The following CLSTN1 variants were observed in gnomAD, a reference collection of about 807,000 sequenced individuals.
CLSTN1 encodes calsyntenin 1.
In CLSTN1, 28 loss-of-function variants were observed where a neutral mutation model predicts 108.3. That is an observed-to-expected ratio of 0.26 (90% CI 0.19 to 0.35). CLSTN1 has a LOEUF of 0.35. Among genes scored for constraint, CLSTN1 ranks in the 10% least tolerant of loss-of-function variants. CLSTN1 has a pLI of 1.00. For missense variants in CLSTN1, 1,157 were observed against 1,302.6 expected (o/e 0.89, Z 1.72); for synonymous variants, 524 against 534.9 (o/e 0.98, Z 0.28).
At chr1:9,761,361 C>T (rs1163002345) in intron 2 of CLSTN1, among the ~76,000 whole-genome samples, 2 of 151,958 alleles carry the variant, frequency 1.3e-5, no homozygotes, top group East Asian at 1.9e-4. Flanking sequence ...GGAGTGGTGG[C>T]GTGTGCCTGA....
chr1:9,807,893 C>G (rs563393229), intron 1 of CLSTN1, among the ~76,000 whole-genome samples: 1 of 152,240 alleles, frequency 6.6e-6, no homozygotes, highest in Non-Finnish European at 1.5e-5. Flanking sequence ...AGGAACTAGG[C>G]TTCTGCCTCC....
chr1:9,783,790 C>T (rs1204937869), intron 1 of CLSTN1, among the ~76,000 whole-genome samples: 3 of 152,092 alleles, frequency 2.0e-5, no homozygotes, highest in African/African-American at 7.2e-5. Context: ...GTCAGGAGTT[C>T]GAGACCAGCC....
chr1:9,762,106 G>A lies in CLSTN1; in HGVS notation c.215-5596C>T, dbSNP rs114676510. 5.4e-3 allele frequency among the ~76,000 whole-genome samples: 825 copies of A among 152,234 alleles called. 11 individuals are homozygous for A. Among genetic ancestry groups the A allele is most frequent in the African/African-American group, 0.019 (798 of 41,552 alleles). On this transcript the variant is annotated intron_variant, in intron 2 of 18. Transcript: ENST00000377298. ...CCTGTTCACTTGGCTAGGGGAAGCT[G>A]GGTAACAGGTTGTAGATCCACTGAT... is the stretch of plus-strand genomic sequence containing the variant.
rs769739258 is a variant in CLSTN1 at position 9,743,987 on chromosome 1, T to C, written c.1253A>G (p.Tyr418Cys). 8 of 1,613,564 alleles carry C rather than the reference T, an allele frequency of 5.0e-6. No individual in the cohort carries two copies. In the Admixed American group the frequency reaches 1.2e-4, roughly 24 times the overall value. ...SDKTDMNRHH[Y>C]SLYVHGCRLI... ...CCGGCACCCGTGGACATAGAGGGAG[T>C]AGTGGTGCCGATTCATATCTGCAAA... is the stretch of plus-strand genomic sequence containing the variant. The change falls in exon 9 of 19, where the codon TAC (tyrosine) becomes TGC (cysteine). Residue 418 changes from tyrosine (Y) to cysteine (C), a missense_variant. Transcript: ENST00000377298.
rs1340908576 is a variant in CLSTN1, at chr1:9,735,469, G to C, written c.1881C>G (p.Ile627Met). Residue 627 changes from isoleucine (I) to methionine (M), a missense_variant and splice_region_variant, in exon 13 of 19, where the codon ATC (isoleucine) becomes ATG (methionine). Transcript: ENST00000377298. ...GIRRLKITST[I>M]KCFNEATCIS... is the part of the protein sequence containing the mutation. ...GGCTGTTAAAAATCAGGACGTACTTGATTGTGCTGGTGATTTTGAGTCTGC... is the reference window on the plus strand; with the variant it reads ...GGCTGTTAAAAATCAGGACGTACTTCATTGTGCTGGTGATTTTGAGTCTGC... 10 of 1,614,118 alleles carry C rather than the reference G, an allele frequency of 6.2e-6. No homozygotes were observed. Among genetic ancestry groups the C allele is most frequent in the African/African-American group, 1.3e-5 (1 of 74,952 alleles).
At chr1:9,814,919 T>C (rs961670948) in intron 1 of CLSTN1, among the ~76,000 whole-genome samples, 2 of 151,316 alleles carry the variant, frequency 1.3e-5, no homozygotes, top group Non-Finnish European at 2.9e-5. Flanking sequence ...AAAAGAAAAA[T>C]GTCACTTTTC....
chr1:9,769,882 T>C (rs1652581172), intron 2 of CLSTN1, among the ~76,000 whole-genome samples: 2 of 151,894 alleles, frequency 1.3e-5, no homozygotes, highest in South Asian at 4.2e-4. Context: ...TACAAAAAAT[T>C]AGCCGGGCGC....
At chr1:9,753,433 G>A (rs1481451181) in intron 4 of CLSTN1, among the ~76,000 whole-genome samples, 1 of 152,022 alleles carries the variant, frequency 6.6e-6, no homozygotes, top group Non-Finnish European at 1.5e-5. Flanking sequence ...CTGGCAGGAG[G>A]TGCAGCAACA....
chr1:9,766,636 G>A (rs905245402), intron 2 of CLSTN1, among the ~76,000 whole-genome samples: 3 of 152,116 alleles, frequency 2.0e-5, no homozygotes, highest in African/African-American at 7.2e-5. Context: ...CTCCAGCCTG[G>A]GTGACAGAGC....
chr1:9,794,083 T>G (rs964768242), intron 1 of CLSTN1, among the ~76,000 whole-genome samples: 2 of 151,400 alleles, frequency 1.3e-5, no homozygotes, highest in Admixed American at 1.3e-4. Context: ...GGTAATGACT[T>G]AAGGCACTCA....
intron 1 of CLSTN1, among the ~76,000 whole-genome samples, chr1:9,821,490 A>G (rs978336051): frequency 5.3e-5 from 8 of 152,246 alleles, no homozygotes; most frequent in African/African-American, 1.9e-4. Flanking sequence ...GAGGGTCTCT[A>G]CAAAACTAAG....
intron 4 of CLSTN1, among the ~76,000 whole-genome samples, chr1:9,752,847 G>A (rs1008342646): frequency 6.6e-6 from 1 of 152,102 alleles, no homozygotes; most frequent in Non-Finnish European, 1.5e-5. Flanking sequence ...GGGTGACAGA[G>A]CGAGACTCTG....
chr1:9,801,333 A>G (rs1230177692), intron 1 of CLSTN1, among the ~76,000 whole-genome samples: 1 of 152,228 alleles, frequency 6.6e-6, no homozygotes, highest in East Asian at 1.9e-4. Context: ...CCTGGAAGAT[A>G]CAATCTGCCA....
intron 1 of CLSTN1, among the ~76,000 whole-genome samples, chr1:9,805,658 G>A (rs946432422): frequency 1.3e-5 from 2 of 152,098 alleles, no homozygotes; most frequent in African/African-American, 2.4e-5. Context: ...CCTGAGGTCA[G>A]GAGTTCAAGA....
chr1:9,751,928 T>C (rs535883100), intron 4 of CLSTN1, among the ~76,000 whole-genome samples: 1 of 151,680 alleles, frequency 6.6e-6, no homozygotes, highest in South Asian at 2.1e-4. Flanking sequence ...ATCCTAAGAA[T>C]AAAGCAAAAA....
At chr1:9,812,764 C>T (rs1248528709) in intron 1 of CLSTN1, among the ~76,000 whole-genome samples, 2 of 150,740 alleles carry the variant, frequency 1.3e-5, no homozygotes, top group Non-Finnish European at 2.9e-5. Flanking sequence ...AGGAGAATCA[C>T]TTGAACCCAG....
intron 2 of CLSTN1, among the ~76,000 whole-genome samples, chr1:9,760,684 G>GTTTTTT (rs762619559): frequency 5.9e-5 from 6 of 102,402 alleles, no homozygotes; most frequent in African/African-American, 1.7e-4. Context: ...CCATTCCCGG[G>GTTTTTT]TTTTTTTTTT....
chr1:9,752,790 A>G (rs1651615454), intron 4 of CLSTN1, among the ~76,000 whole-genome samples: 1 of 152,194 alleles, frequency 6.6e-6, no homozygotes, highest in South Asian at 2.1e-4. Flanking sequence ...TGAACCCTGG[A>G]GGTGGAGGTT....
At chr1:9,767,896 G>A (rs779933857) in intron 2 of CLSTN1, among the ~76,000 whole-genome samples, 2 of 152,152 alleles carry the variant, frequency 1.3e-5, no homozygotes, top group African/African-American at 2.4e-5. Flanking sequence ...TAACAGCAGC[G>A]GCAAATACTG....
Sources: allele counts gnomAD v4.1 joint callset (sites outside exome capture counted in the v4.1 genomes callset), GRCh38; gene constraint gnomAD v4.1.1; transcripts MANE v1.5; gene names NCBI Gene and HGNC (gene_info 2026-07-23, HGNC 2026-07-21).